Variants in SRGAP3 observed in about 807,000 individuals in gnomAD.
The protein encoded by SRGAP3 is SLIT-ROBO Rho GTPase-activating protein 3.
SRGAP3 carries 39 observed loss-of-function variants against 121.1 expected under a neutral mutation model. That is an observed-to-expected ratio of 0.32 (90% CI 0.25 to 0.42). The LOEUF is 0.42. Among genes scored for constraint, SRGAP3 ranks in the 10% least tolerant of loss-of-function variants. SRGAP3 has a pLI of 1.00. For synonymous variants in SRGAP3, 601 were observed against 570.0 expected, an observed-to-expected ratio of 1.05 and a Z score of -0.77; for missense variants, 1,213 against 1,470.6, an observed-to-expected ratio of 0.82 and a Z score of 2.86.
intron 3 of SRGAP3, among the ~76,000 whole-genome samples, chr3:9,263,523 A>C (rs988493887): frequency 2.0e-5 from 3 of 152,196 alleles, no homozygotes; most frequent in Non-Finnish European, 4.4e-5. Flanking sequence ...GACACAAGAA[A>C]AAATGATAAC....
intron 18 of SRGAP3, among the ~76,000 whole-genome samples, chr3:8,997,449 T>G (rs774557201): frequency 6.6e-6 from 1 of 152,100 alleles, no homozygotes; most frequent in African/African-American, 2.4e-5. Flanking sequence ...AATCATACAA[T>G]CACATCATGA....
chr3:9,105,494 G>A (rs1861941), intron 2 of SRGAP3, among the ~76,000 whole-genome samples: 90,206 of 152,044 alleles, frequency 0.59, 26,807 homozygotes, highest in African/African-American at 0.62. Context: ...CTAGCTGGGT[G>A]TGATGCTGAA....
intron 3 of SRGAP3, among the ~76,000 whole-genome samples, chr3:9,318,211 T>C (rs989561032): frequency 1.3e-5 from 2 of 151,836 alleles, no homozygotes; most frequent in Non-Finnish European, 2.9e-5. Flanking sequence ...TTTCATCACC[T>C]TGTCTGGCCC....
At chr3:9,148,517 T>G (rs1488914225) in intron 1 of SRGAP3, among the ~76,000 whole-genome samples, 1 of 152,240 alleles carries the variant, frequency 6.6e-6, no homozygotes, top group African/African-American at 2.4e-5. Context: ...AATAGCTACT[T>G]TGGCAATTAT....
At chr3:9,005,077 C>A (rs1035926448) in intron 18 of SRGAP3, among the ~76,000 whole-genome samples, 2 of 152,060 alleles carry the variant, frequency 1.3e-5, no homozygotes, top group Non-Finnish European at 2.9e-5. Context: ...ACATAAAGAG[C>A]TGTTACAACT....
chr3:9,187,748 C>T (rs1951642201), intron 1 of SRGAP3, among the ~76,000 whole-genome samples: 1 of 152,188 alleles, frequency 6.6e-6, no homozygotes, highest in Non-Finnish European at 1.5e-5. Context: ...CCACCAGGGT[C>T]TTACCCTCAG....
intron 3 of SRGAP3, among the ~76,000 whole-genome samples, chr3:9,086,984 C>T (rs1947527093): frequency 6.6e-6 from 1 of 150,648 alleles, no homozygotes; most frequent in Non-Finnish European, 1.5e-5. Flanking sequence ...AATTCTAAGG[C>T]AGGAGGCGGA....
chr3:9,348,432 A>C, intron 1 of SRGAP3: 1 of 629,686 alleles, frequency 1.6e-6, no homozygotes, highest in Non-Finnish European at 2.9e-6. Flanking sequence ...TCGCATCCCC[A>C]GCCCGCCACC....
chr3:9,077,771 G>C (rs1248776792), intron 4 of SRGAP3, among the ~76,000 whole-genome samples: 1 of 152,234 alleles, frequency 6.6e-6, no homozygotes, highest in Non-Finnish European at 1.5e-5. Flanking sequence ...GACCTTGAAG[G>C]ACACAGAGAG....
intron 4 of SRGAP3, 78 bp downstream of exon 4, chr3:9,079,947 T>C: frequency 6.5e-7 from 1 of 1,531,832 alleles, no homozygotes. Context: ...TCCAGACCTC[T>C]GTTTTGCTTC....
At chr3:9,009,328 C>T (rs1450800052) in intron 18 of SRGAP3, among the ~76,000 whole-genome samples, 4 of 152,124 alleles carry the variant, frequency 2.6e-5, no homozygotes, top group African/African-American at 4.8e-5. Context: ...AACTGCTAAG[C>T]CATGATGTTT....
At chr3:9,136,323 G>C (rs1022100636) in intron 1 of SRGAP3, among the ~76,000 whole-genome samples, 1 of 151,888 alleles carries the variant, frequency 6.6e-6, no homozygotes, top group Non-Finnish European at 1.5e-5. Flanking sequence ...GCCCAGCGCC[G>C]GGGCTGGAGG....
At chr3:9,019,263 G>GT (rs1943793575) in intron 14 of SRGAP3, among the ~76,000 whole-genome samples, 1 of 152,208 alleles carries the variant, frequency 6.6e-6, no homozygotes, top group African/African-American at 2.4e-5. Context: ...CATATATGCA[G>GT]TTTTTTCAGA....
At chr3:9,334,866 GA>G (rs1174681050) in intron 1 of SRGAP3, among the ~76,000 whole-genome samples, 1 of 152,210 alleles carries the variant, frequency 6.6e-6, no homozygotes, top group Admixed American at 6.5e-5. Flanking sequence ...GCAAAATGGG[GA>G]TTTAATACCA....
intron 10 of SRGAP3, among the ~76,000 whole-genome samples, chr3:9,040,700 A>G (rs1944971599): frequency 6.6e-6 from 1 of 152,126 alleles, no homozygotes; most frequent in Non-Finnish European, 1.5e-5. Flanking sequence ...AGTAGCTGGG[A>G]CCACAGGCAC....
At chr3:9,036,100 G>T (rs1440235257) in intron 11 of SRGAP3, 3 of 152,200 alleles carry the variant, frequency 2.0e-5, no homozygotes, top group Admixed American at 6.5e-5. Context: ...GAATTACAGG[G>T]TTATTATGAA....
chr3:9,166,931 C>T (rs1000949334), intron 1 of SRGAP3, among the ~76,000 whole-genome samples: 1 of 152,160 alleles, frequency 6.6e-6, no homozygotes, highest in African/African-American at 2.4e-5. Flanking sequence ...TGTCAACTCC[C>T]AGGAACTGCC....
In SRGAP3 at chr3:9,032,756, G is replaced by A. The variant is rs901629749; in HGVS notation, c.1437-4C>T. 1 of 1,612,718 alleles carries A rather than the reference G, an allele frequency of 6.2e-7. No individual in the cohort carries two copies. Among genetic ancestry groups the A allele is most frequent in the South Asian group, 1.1e-5 (1 of 91,020 alleles). ...TTTAGGGGGAAGACAGGGGGGCCTA[G>A]GGGAAAACGGAACAAAAGAAATCAA... is the stretch of plus-strand genomic sequence containing the variant. On this transcript the variant is annotated splice_region_variant and splice_polypyrimidine_tract_variant and intron_variant, in intron 11 of 21. Coordinates refer to ENST00000383836, the MANE Select transcript of SRGAP3 (RefSeq NM_014850.4).
chr3:9,345,727 A>G (rs1418011897), intron 1 of SRGAP3, among the ~76,000 whole-genome samples: 2 of 146,668 alleles, frequency 1.4e-5, no homozygotes, highest in Non-Finnish European at 3.0e-5. Flanking sequence ...TGGAGGTTGC[A>G]GTAAGCCAAC....
Sources: allele counts gnomAD v4.1 joint callset (sites outside exome capture counted in the v4.1 genomes callset), GRCh38; gene constraint gnomAD v4.1.1; transcripts MANE v1.5; gene names NCBI Gene and HGNC (gene_info 2026-07-23, HGNC 2026-07-21).